Variants in FAM50A observed in about 807,000 individuals in gnomAD.
FAM50A encodes family with sequence similarity 50 member A, also known as protein FAM50A.
A neutral mutation model predicts 35.5 loss-of-function variants in FAM50A; 6 were observed. The observed-to-expected ratio is 0.17, with a 90% CI of 0.09 to 0.33. FAM50A has a LOEUF of 0.33. Among genes scored for constraint, FAM50A ranks in the 10% least tolerant of loss-of-function variants. The pLI is 1.00. For missense variants in FAM50A, 145 were observed against 295.5 expected, an observed-to-expected ratio of 0.49 and a Z score of 3.73; for synonymous variants, 120 against 110.9, an observed-to-expected ratio of 1.08 and a Z score of -0.52.
rs782774175 is a variant in FAM50A at position 154,450,138 on chromosome X, C to T, written c.900+39C>T. 4.2e-6 allele frequency: 5 copies of T among 1,200,063 alleles called. No individual in the cohort carries two copies. The African/African-American group carries it at 7.1e-5, about 17-fold the overall frequency. On this transcript the variant is annotated intron_variant, in intron 11 of 12. Coordinates refer to ENST00000393600, the MANE Select transcript of FAM50A (RefSeq NM_004699.4). Reference sequence around the variant, plus strand: ...GGCCGTGTGAGGGGGAACGGGTGTCCCTGGGCTATGGAGGAGAAGCCAAGG... The same window carrying T: ...GGCCGTGTGAGGGGGAACGGGTGTCTCTGGGCTATGGAGGAGAAGCCAAGG...
At chrX:154,450,368 C>T (rs1331575071) in intron 12 of FAM50A, 49 bp downstream of exon 12, 1 of 1,206,338 alleles carries the variant, frequency 8.3e-7, no homozygotes, top group Non-Finnish European at 1.1e-6. Flanking sequence ...CGGCAGCCAG[C>T]CCCTGCTCAC....
chrX:154,448,405 C>A, intron 4 of FAM50A, 79 bp from the exon 5 acceptor site: 1 of 886,064 alleles, frequency 1.1e-6, no homozygotes, highest in Non-Finnish European at 1.7e-6. Flanking sequence ...TCAAGGTATG[C>A]TTGGGGGACC....
Position 154,444,223 on chromosome X carries a change from C to CGCCGCCGCCGCCGCCGCCGCT in FAM50A, c.-5_-4insCGCCGCCGCCGCTGCCGCCGC. On this transcript the variant is annotated 5_prime_UTR_variant, in exon 1 of 13. Coordinates refer to ENST00000393600, the MANE Select transcript of FAM50A (RefSeq NM_004699.4). ...CGCCGCCCGCCGCCGCCGCCGCCGC[C>CGCCGCCGCCGCCGCCGCCGCT]GCCGCCGCTGCCATGGCTCAATACA... The CGCCGCCGCCGCCGCCGCCGCT allele has an allele frequency of 1.2e-6, 1 of 856,621 alleles. No homozygotes were observed. Among genetic ancestry groups the CGCCGCCGCCGCCGCCGCCGCT allele is most frequent in the African/African-American group, 2.2e-5 (1 of 45,638 alleles). The allele number at this position is 856,621 out of a possible 1,213,427, so 70.6% of individuals were successfully genotyped here.
chrX:154,445,541 G>A, intron 1 of FAM50A, 92 bp from the exon 2 acceptor site: 1 of 687,667 alleles, frequency 1.5e-6, no homozygotes, highest in Non-Finnish European at 2.4e-6. Context: ...AGGGCACAGG[G>A]GCAGATTTGG....
rs1291832756 is a variant in FAM50A, at chrX:154,444,193, GCCGCCGCCGC to G, written c.-31_-22del. ...TGCCGCTGCCGCTGTCGCTGTCGCC[GCCGCCGCCGC>G]CCGCCGCCGCCGCCGCCGCCGCCGC... is the stretch of plus-strand genomic sequence containing the variant. On this transcript the variant is annotated 5_prime_UTR_variant, in exon 1 of 13. Coordinates refer to ENST00000393600, the MANE Select transcript of FAM50A (RefSeq NM_004699.4). 5 of 569,291 alleles carry G rather than the reference GCCGCCGCCGC, an allele frequency of 8.8e-6. No individual in the cohort carries two copies. Among genetic ancestry groups the G allele is most frequent in the African/African-American group, 2.6e-5 (1 of 38,431 alleles). 46.9% of individuals were successfully genotyped at this position (569,291 alleles called of 1,213,427 possible).
In FAM50A at chrX:154,450,569, C is replaced by T. The variant is rs1364840299; in HGVS notation, c.*137C>T. ...GAGGACGGCAGCTGCTCGTGTCCTG[C>T]CCCTGCCACATCAGTGACTGCTTTA... On this transcript the variant is annotated 3_prime_UTR_variant, in exon 13 of 13. Coordinates refer to ENST00000393600, the MANE Select transcript of FAM50A (RefSeq NM_004699.4). The T allele has an allele frequency of 8.8e-6, 5 of 568,844 alleles. 1 individual carries two copies. The African/African-American group carries it at 1.2e-4, about 13-fold the overall frequency. 46.9% of individuals were successfully genotyped at this position (568,844 alleles called of 1,213,427 possible).
At chrX:154,445,315 A>G (rs1333767641) in intron 1 of FAM50A, 9 of 312,212 alleles carry the variant, frequency 2.9e-5, no homozygotes, top group Middle Eastern at 1.9e-3. Flanking sequence ...CCCTCTCCTC[A>G]TAACCCTTGG....
In FAM50A at chrX:154,450,289, C is replaced by T. The variant is rs782547697; in HGVS notation, c.981C>T (p.Tyr327=). The T allele has an allele frequency of 6.5e-5, 79 of 1,208,972 alleles. No individual in the cohort carries two copies. The highest frequency in any genetic ancestry group is 2.5e-4 in the South Asian group (14 of 56,804). Residue 327 remains tyrosine (Y), a synonymous_variant, in exon 12 of 13, where the codon TAC becomes TAT. Transcript: ENST00000393600. ...HIFPASRWEP[Y]DPEKKWDKYT... is the part of the protein sequence containing the mutation. The stretch of plus-strand genomic sequence containing the variant: ...TTCCCGCCAGCCGCTGGGAACCCTA[C>T]GACCCTGAAAAGAAGTGGGACAAGT...
At position 154,448,527 on chromosome X, in the gene FAM50A, T is replaced by C; in HGVS notation, c.486T>C (p.Val162=). The stretch of plus-strand genomic sequence containing the variant: ...GAAAACTGGGGAAGAACCCAGACGT[T>C]GACACAAGCTTCTTGCCTGATCGAG... ...KKRKLGKNPD[V]DTSFLPDRDR... Residue 162 remains valine, a synonymous_variant, in exon 5 of 13, where the codon GTT becomes GTC. Coordinates refer to ENST00000393600, the MANE Select transcript of FAM50A (RefSeq NM_004699.4). 1.7e-6 allele frequency: 2 copies of C among 1,210,320 alleles called. No individual in the cohort carries two copies. Among genetic ancestry groups the C allele is most frequent in the Non-Finnish European group, 2.2e-6 (2 of 894,654 alleles).
rs1211277283 is a variant in FAM50A at position 154,450,646 on chromosome X, G to A, written c.*214G>A. 2.3e-6 allele frequency: 1 copy of A among 439,912 alleles called. No individual in the cohort carries two copies. Among genetic ancestry groups the A allele is most frequent in the Non-Finnish European group, 4.0e-6 (1 of 253,061 alleles). The allele number at this position is 439,912 out of a possible 1,213,427, so 36.3% of individuals were successfully genotyped here. On this transcript the variant is annotated 3_prime_UTR_variant, in exon 13 of 13. Coordinates refer to ENST00000393600, the MANE Select transcript of FAM50A (RefSeq NM_004699.4). Reference sequence around the variant, plus strand: ...GTCAGAGCTGGAGCGCCTGCATTGTGAGAAACCATTTGTGTTCGGACCAAA... The same window carrying A: ...GTCAGAGCTGGAGCGCCTGCATTGTAAGAAACCATTTGTGTTCGGACCAAA...
chrX:154,448,580 G>A lies in FAM50A; in HGVS notation c.519+20G>A. On this transcript the variant is annotated intron_variant, in intron 5 of 12. Coordinates refer to ENST00000393600, the MANE Select transcript of FAM50A (RefSeq NM_004699.4). ...CGTGAGGTAAAGGCTGCCTGGCCCT[G>A]ACCCCGGCCTCGACTCCAGCCCTGG... The A allele has an allele frequency of 8.3e-7, 1 of 1,198,929 alleles. No homozygotes were observed. Among genetic ancestry groups the A allele is most frequent in the Non-Finnish European group, 1.1e-6 (1 of 884,355 alleles).
intron 3 of FAM50A, 141 bp downstream of exon 3, chrX:154,446,052 C>T (rs2068781313): frequency 4.2e-6 from 2 of 472,505 alleles, no homozygotes; most frequent in Non-Finnish European, 7.4e-6. Context: ...ATTTGCATTT[C>T]TCTCTCCCGC....
At chrX:154,445,410 G>A in intron 1 of FAM50A, 1 of 441,136 alleles carries the variant, frequency 2.3e-6, no homozygotes, top group Non-Finnish European at 4.0e-6. Flanking sequence ...GCTACTGAGG[G>A]ACCTGTGATC....
In FAM50A at chrX:154,450,195, T is replaced by C. The variant is rs201845443; in HGVS notation, c.901-14T>C. The C allele has an allele frequency of 3.3e-6, 4 of 1,205,794 alleles. No individual in the cohort carries two copies. In the East Asian group the frequency reaches 8.9e-5, roughly 27 times the overall value. On this transcript the variant is annotated splice_polypyrimidine_tract_variant and intron_variant, in intron 11 of 12. Transcript: ENST00000393600. ...GAGGTCAGCAGGCGGCCCTGTGCCC[T>C]CTTCCTCCCTTAGTCCCATGCAGGC...
chrX:154,447,254 G>A (rs915659261), intron 4 of FAM50A, among the ~76,000 whole-genome samples: 8 of 112,223 alleles, frequency 7.1e-5, no homozygotes, highest in Non-Finnish European at 1.5e-4. Flanking sequence ...TTTTCAAAAC[G>A]TTTGAAGATT....
intron 8 of FAM50A, 124 bp from the exon 9 acceptor site, chrX:154,449,557 C>G (rs782726135): frequency 3.4e-6 from 2 of 594,405 alleles, no homozygotes; most frequent in East Asian, 3.5e-5. Context: ...CATGGAGCTT[C>G]CCTCACAGCC....
chrX:154,450,376 C>T, intron 12 of FAM50A, 48 bp from the exon 13 acceptor site: 1 of 1,209,778 alleles, frequency 8.3e-7, no homozygotes, highest in Non-Finnish European at 1.1e-6. Flanking sequence ...AGCCCCTGCT[C>T]ACCCCTCGCC....
rs782243557 is a variant in FAM50A at position 154,448,453 on chromosome X, T to C, written c.443-31T>C. On this transcript the variant is annotated intron_variant, in intron 4 of 12. Transcript: ENST00000393600. ...CATATCAAAATCATTTTTATAATAA[T>C]GCTATGATATTCGGCTTCCTTTTGT... The C allele has an allele frequency of 1.8e-5, 21 of 1,150,168 alleles. No homozygotes were observed. In the South Asian group the frequency reaches 3.2e-4, roughly 18 times the overall value. 94.8% of individuals were successfully genotyped at this position (1,150,168 alleles called of 1,213,427 possible).
In FAM50A at chrX:154,448,904, G is replaced by C; in HGVS notation, c.598G>C (p.Glu200Gln). Reference sequence around the variant, plus strand: ...GCTCTGCCTTGTAGGTGAGGAGATCGAGATCACCTTCAGCTACTGGGATGG... The same window carrying C: ...GCTCTGCCTTGTAGGTGAGGAGATCCAGATCACCTTCAGCTACTGGGATGG... ...KQEKIKSEEI[E>Q]ITFSYWDGSG... The change falls in exon 7 of 13, where the codon GAG becomes CAG. Residue 200 changes from glutamate to glutamine, a missense_variant. Glu to Gln is a conservative substitution (Grantham distance 29). Transcript: ENST00000393600. 1 of 1,210,925 alleles carries C rather than the reference G, an allele frequency of 8.3e-7. No homozygotes were observed. The highest frequency in any genetic ancestry group is 1.8e-5 in the South Asian group (1 of 56,986).
Sources: gnomAD v4.1 joint callset for allele counts (sites outside exome capture counted in the v4.1 genomes callset) on GRCh38, gnomAD v4.1.1 for gene constraint, MANE v1.5 for transcripts, NCBI Gene and HGNC (gene_info 2026-07-23, HGNC 2026-07-21) for gene names.